PCDHGB2: variants seen among roughly 807,000 people sequenced by gnomAD.
PCDHGB2 encodes protocadherin gamma-B2.
Under a neutral mutation model 59.3 loss-of-function variants are expected in PCDHGB2, and 55 were observed. That is an observed-to-expected ratio of 0.93 (90% CI 0.75 to 1.16). The LOEUF is 1.16. Among genes scored for constraint, PCDHGB2 ranks in the 50% most tolerant of loss-of-function variants. The probability of loss-of-function intolerance (pLI) is 0.00; values close to 1 mark genes in which losing one functional copy is unlikely to be tolerated. For missense variants in PCDHGB2, 1,228 were observed against 1,198.5 expected (o/e 1.02, Z -0.36); for synonymous variants, 516 against 512.0 (o/e 1.01, Z -0.11).
intron 1 of PCDHGB2, chr5:141,389,358 A>G: frequency 6.2e-7 from 1 of 1,613,908 alleles, no homozygotes; most frequent in Non-Finnish European, 8.5e-7. Flanking sequence ...CATCATGGCC[A>G]GTGACCTGGA....
At chr5:141,444,757 C>T (rs919228537) in intron 1 of PCDHGB2, among the ~76,000 whole-genome samples, 4 of 152,050 alleles carry the variant, frequency 2.6e-5, no homozygotes, top group African/African-American at 9.7e-5. Flanking sequence ...ATATGTAGTT[C>T]TATTTCTATA....
Position 141,494,824 on chromosome 5 carries a change from G to A in PCDHGB2, c.2439G>A (p.Thr813=), listed in dbSNP as rs1423741889. The A allele has an allele frequency of 1.8e-5, 29 of 1,613,924 alleles. No homozygotes were observed. Among genetic ancestry groups the A allele is most frequent in the Non-Finnish European group, 2.4e-5 (28 of 1,180,032 alleles). Residue 813 remains threonine (T), a synonymous_variant, in exon 2 of 4, where the codon ACG becomes ACA. Transcript: ENST00000522605. The part of the protein sequence containing the change: ...DTILKQAPPN[T]DWRFSQAQRP... ...CTCCACAGCAAGCCCCGCCCAACAC[G>A]GACTGGCGTTTCTCTCAGGCCCAGA...
At chr5:141,421,224 T>G (rs1401875673) in intron 1 of PCDHGB2, 2 of 1,582,072 alleles carry the variant, frequency 1.3e-6, no homozygotes, top group Admixed American at 3.6e-5. Flanking sequence ...GCTTAGAGCC[T>G]GCCATGGCGA....
rs764337284 is a variant in PCDHGB2, at chr5:141,490,255, G to A, written c.2422-4552G>A. Reference sequence around the variant, plus strand: ...GGAGGGCCACTGTGTGATTCAAGTGGATGTGGGGGATGTCAATGACAATGC... The same window carrying A: ...GGAGGGCCACTGTGTGATTCAAGTGAATGTGGGGGATGTCAATGACAATGC... On this transcript the variant is annotated intron_variant, in intron 1 of 3. Transcript: ENST00000522605. The surrounding 1 kb of genome is among the most constrained non-coding windows in gnomAD (Gnocchi z 5.4). 6 of 1,614,118 alleles carry A rather than the reference G, an allele frequency of 3.7e-6. No individual in the cohort carries two copies. In the Admixed American group the frequency reaches 6.7e-5, roughly 18 times the overall value.
chr5:141,415,606 G>A lies in PCDHGB2; in HGVS notation c.2421+53050G>A. On this transcript the variant is annotated intron_variant, in intron 1 of 3. Transcript: ENST00000522605. ...GTTTCCTATAGAGGATACCCCATTG[G>A]TTCCAGTGAGTTTTATTTTCATTTT... The A allele has an allele frequency of 1.2e-6, 2 of 1,612,910 alleles. 1 individual carries two copies. Among genetic ancestry groups the A allele is most frequent in the East Asian group, 4.5e-5 (2 of 44,866 alleles).
chr5:141,421,161 T>C (rs2096550274), intron 1 of PCDHGB2: 7 of 1,259,920 alleles, frequency 5.6e-6, no homozygotes, highest in Non-Finnish European at 7.5e-6. Flanking sequence ...TAGGACTTCA[T>C]AGATACATAA....
chr5:141,416,747 T>A (rs920641906), intron 1 of PCDHGB2: 2 of 152,240 alleles, frequency 1.3e-5, no homozygotes, highest in African/African-American at 4.8e-5. Flanking sequence ...AATAGTGACG[T>A]ATTAGGTAGA....
chr5:141,489,571 G>A lies in PCDHGB2; in HGVS notation c.2422-5236G>A, dbSNP rs1206848223. The A allele has an allele frequency of 1.9e-6, 3 of 1,613,884 alleles. No individual in the cohort carries two copies. The highest frequency in any genetic ancestry group is 2.2e-5 in the South Asian group (2 of 91,070). On this transcript the variant is annotated intron_variant, in intron 1 of 3. Transcript: ENST00000522605. The surrounding 1 kb of genome is among the most constrained non-coding windows in gnomAD (Gnocchi z 4.5). ...CCTGCTGCCAGTGCAGGTGGTGACT[G>A]AACACCCCCTGGAGCTAATCCGTGT...
In PCDHGB2 at chr5:141,362,573, T is replaced by G. The variant is rs754606560; in HGVS notation, c.2421+17T>G. 1.3e-5 allele frequency: 21 copies of G among 1,605,662 alleles called. No individual in the cohort carries two copies. The highest frequency in any genetic ancestry group is 1.7e-5 in the Non-Finnish European group (20 of 1,175,912). ...ATTTTGAAGGTGAGCTTTAATTAATTTATTTTCACTTCTGGTTTTATTGTT... is the reference window on the plus strand; with the variant it reads ...ATTTTGAAGGTGAGCTTTAATTAATGTATTTTCACTTCTGGTTTTATTGTT... On this transcript the variant is annotated intron_variant, in intron 1 of 3. Transcript: ENST00000522605.
At chr5:141,494,676 CT>C (rs2099756021) in intron 1 of PCDHGB2, 130 bp from the exon 2 acceptor site, 6 of 1,550,918 alleles carry the variant, frequency 3.9e-6, no homozygotes, top group Non-Finnish European at 4.4e-6. Context: ...GAGTCCACCC[CT>C]GCCCCCTCTT....
chr5:141,379,889 CTTTTTTTTTTTTTTTT>C (rs70988800), intron 1 of PCDHGB2, among the ~76,000 whole-genome samples: 915 of 50,904 alleles, frequency 0.018, 31 homozygotes, highest in African/African-American at 0.056. Context: ...GTGAAAGCCT[CTTTTTTTTTTTTTTTT>C]TTTTTTTTTT....
chr5:141,424,134 A>G (rs1255504512), intron 1 of PCDHGB2: 7 of 444,220 alleles, frequency 1.6e-5, no homozygotes, highest in Non-Finnish European at 2.2e-5. Context: ...TTGATTTAAT[A>G]GCATGCTCCC....
At chr5:141,433,285 C>G in intron 1 of PCDHGB2, 1 of 1,169,826 alleles carries the variant, frequency 8.5e-7, no homozygotes, top group Non-Finnish European at 1.2e-6. Flanking sequence ...CCTCAAACTC[C>G]TAGGCTCAAG....
At chr5:141,458,513 G>GT (rs537551567) in intron 1 of PCDHGB2, among the ~76,000 whole-genome samples, 9,886 of 146,106 alleles carry the variant, frequency 0.068, 671 homozygotes, top group African/African-American at 0.18. Flanking sequence ...TTGACACTTT[G>GT]TTTTTTTTTT....
Position 141,360,504 on chromosome 5 carries a change from G to A in PCDHGB2, c.369G>A (p.Val123=). ...ATATTTTCTACATAGCAGTAATTGT[G>A]CAGGATATAAATGATAATACCCCGC... ...PLNIFYIAVI[V]QDINDNTPLF... is the part of the protein sequence containing the mutation. The change falls in exon 1 of 4, where the codon GTG becomes GTA. Residue 123 remains valine (V), a synonymous_variant. Coordinates refer to ENST00000522605, the MANE Select transcript of PCDHGB2 (RefSeq NM_018923.3). The A allele has an allele frequency of 6.2e-7, 1 of 1,613,932 alleles. No individual in the cohort carries two copies. Among genetic ancestry groups the A allele is most frequent in the Non-Finnish European group, 8.5e-7 (1 of 1,179,892 alleles).
chr5:141,465,413 G>A (rs996581829), intron 1 of PCDHGB2, among the ~76,000 whole-genome samples: 1 of 152,174 alleles, frequency 6.6e-6, no homozygotes, highest in Non-Finnish European at 1.5e-5. Context: ...AGCCAAATCA[G>A]CACTGAAAGG....
chr5:141,496,802 A>G (rs1483438160), intron 2 of PCDHGB2, among the ~76,000 whole-genome samples: 1 of 152,050 alleles, frequency 6.6e-6, no homozygotes, highest in Admixed American at 6.6e-5. Flanking sequence ...ACATTGGGCT[A>G]TAGGAGTGAA....
At position 141,360,354 on chromosome 5, in the gene PCDHGB2, A is replaced by G. The variant is rs757199550; in HGVS notation, c.219A>G (p.Glu73=). The change falls in exon 1 of 4, where the codon GAA becomes GAG. Residue 73 remains glutamate, a synonymous_variant. Coordinates refer to ENST00000522605, the MANE Select transcript of PCDHGB2 (RefSeq NM_018923.3). ...ARKLRVSAEK[E]YFTVNPESGD... ...AGCTGCGGGTTAGCGCGGAGAAGGA[A>G]TATTTCACAGTAAACCCAGAAAGCG... The G allele has an allele frequency of 5.0e-6, 8 of 1,613,944 alleles. No homozygotes were observed. Among genetic ancestry groups the G allele is most frequent in the Non-Finnish European group, 6.8e-6 (8 of 1,179,850 alleles).
intron 1 of PCDHGB2, chr5:141,392,568 T>G: frequency 2.3e-6 from 1 of 442,486 alleles, no homozygotes; most frequent in South Asian, 4.4e-5. Flanking sequence ...CAGTAACTAT[T>G]TAGGACTGTA....
Sources: gnomAD v4.1 joint callset for allele counts (sites outside exome capture counted in the v4.1 genomes callset) on GRCh38, gnomAD v4.1.1 for gene constraint, Gnocchi (gnomAD v3.1) non-coding constraint, MANE v1.5 for transcripts, NCBI Gene and HGNC (gene_info 2026-07-23, HGNC 2026-07-21) for gene names.